The following DLC1 variants were observed in gnomAD, a reference collection of about 807,000 sequenced individuals.
DLC1 encodes the protein rho GTPase-activating protein 7.
A neutral mutation model predicts 140.3 loss-of-function variants in DLC1; 54 were observed. The observed-to-expected ratio is 0.38, with a 90% confidence interval of 0.31 to 0.48. DLC1 has a LOEUF of 0.48. DLC1 is among the 20% of genes least tolerant of loss of function. The pLI is 0.96. For missense variants in DLC1, 2,536 were observed against 1,907.0 expected (o/e 1.33, Z -6.14); for synonymous variants, 986 against 728.1 (o/e 1.35, Z -5.70).
At chr8:13,258,792 T>C (rs569638635) in intron 5 of DLC1, among the ~76,000 whole-genome samples, 5 of 152,274 alleles carry the variant, frequency 3.3e-5, no homozygotes, top group African/African-American at 7.2e-5. Context: ...GGTGGGAGAC[T>C]GTCTGGAGCT....
chr8:13,477,229 C>T (rs934855228), intron 2 of DLC1, among the ~76,000 whole-genome samples: 3 of 152,108 alleles, frequency 2.0e-5, no homozygotes, highest in Non-Finnish European at 4.4e-5. Context: ...AATACTAATC[C>T]CCATTCATTT....
chr8:13,313,280 C>T (rs1319677263), intron 4 of DLC1, among the ~76,000 whole-genome samples: 1 of 152,160 alleles, frequency 6.6e-6, no homozygotes, highest in Admixed American at 6.5e-5. Flanking sequence ...TACTCACTAC[C>T]TACACAGTCT....
chr8:13,193,124 G>A (rs1448967823), intron 5 of DLC1, among the ~76,000 whole-genome samples: 1 of 152,088 alleles, frequency 6.6e-6, no homozygotes, highest in Non-Finnish European at 1.5e-5. Flanking sequence ...CTTATGGAGA[G>A]ACCTCTCAAT....
At chr8:13,191,636 G>A (rs1826761378) in intron 5 of DLC1, among the ~76,000 whole-genome samples, 1 of 152,156 alleles carries the variant, frequency 6.6e-6, no homozygotes, top group Non-Finnish European at 1.5e-5. Context: ...AAGCCCAGAT[G>A]ATGAATCACA....
At chr8:13,299,237 G>A (rs1178393091) in intron 5 of DLC1, among the ~76,000 whole-genome samples, 1 of 151,844 alleles carries the variant, frequency 6.6e-6, no homozygotes, top group African/African-American at 2.4e-5. Context: ...GAGGCCAGGT[G>A]TTCAAGACCA....
intron 5 of DLC1, among the ~76,000 whole-genome samples, chr8:13,159,956 G>A (rs553034166): frequency 3.3e-5 from 5 of 151,868 alleles, no homozygotes; most frequent in African/African-American, 9.7e-5. Context: ...TCAGGAGTTC[G>A]AGACCAGCCT....
At chr8:13,277,769 T>G (rs1052827823) in intron 5 of DLC1, among the ~76,000 whole-genome samples, 1 of 152,170 alleles carries the variant, frequency 6.6e-6, no homozygotes, top group Non-Finnish European at 1.5e-5. Context: ...GCATAAGACA[T>G]CTAAAGGCCA....
At chr8:13,518,698 T>C (rs1179856304), upstream of DLC1, among the ~76,000 whole-genome samples, 4 of 152,222 alleles carry the variant, frequency 2.6e-5, no homozygotes, top group Non-Finnish European at 5.9e-5. Flanking sequence ...CCATTTTTGT[T>C]AATGAATATG....
Position 13,399,820 on chromosome 8 carries a change from C to A in DLC1, c.1173+1650G>T, listed in dbSNP as rs190905584. ...TTATTATATGCAGAACTTCTTCTGG[C>A]GTTTTCTCATAAATATTCTCAAACT... On this transcript the variant is annotated intron_variant, in intron 3 of 17. Coordinates refer to ENST00000276297, the MANE Select transcript of DLC1 (RefSeq NM_182643.3). 4.7e-4 allele frequency among the ~76,000 whole-genome samples: 71 copies of A among 152,182 alleles called. 1 individual carries two copies. Among genetic ancestry groups the A allele is most frequent in the African/African-American group, 1.7e-3 (70 of 41,530 alleles).
chr8:13,333,635 C>G (rs1202759516), intron 4 of DLC1, among the ~76,000 whole-genome samples: 1 of 152,164 alleles, frequency 6.6e-6, no homozygotes, highest in Non-Finnish European at 1.5e-5. Context: ...TGTAACAGAA[C>G]TACCCTTCAT....
chr8:13,412,526 A>G (rs900328714), intron 2 of DLC1, among the ~76,000 whole-genome samples: 1 of 152,302 alleles, frequency 6.6e-6, no homozygotes, highest in East Asian at 1.9e-4. Context: ...ATTTTAACTT[A>G]ATGAGTTATG....
intron 2 of DLC1, among the ~76,000 whole-genome samples, chr8:13,446,402 T>G (rs1354150610): frequency 2.6e-5 from 4 of 152,184 alleles, no homozygotes; most frequent in Non-Finnish European, 5.9e-5. Flanking sequence ...GTTTTCATCT[T>G]TTGAGTTCCA....
At chr8:13,544,007 A>C (rs1297682577) in intron 1 of DLC1, among the ~76,000 whole-genome samples, 6 of 152,124 alleles carry the variant, frequency 3.9e-5, no homozygotes, top group African/African-American at 1.4e-4. Context: ...AAAAAAATAC[A>C]AAAATTTAAA....
intron 5 of DLC1, among the ~76,000 whole-genome samples, chr8:13,196,017 G>C (rs1827029076): frequency 6.6e-6 from 1 of 151,870 alleles, no homozygotes; most frequent in Non-Finnish European, 1.5e-5. Flanking sequence ...TTCTAGAATA[G>C]TAAGTAAATC....
At chr8:13,517,371 T>C (rs748007312), upstream of DLC1, among the ~76,000 whole-genome samples, 3 of 152,228 alleles carry the variant, frequency 2.0e-5, no homozygotes, top group African/African-American at 7.2e-5. Flanking sequence ...TTTAGATATC[T>C]AGAAACTCTT....
chr8:13,307,711 T>C (rs1430707537), intron 4 of DLC1, among the ~76,000 whole-genome samples: 1 of 152,248 alleles, frequency 6.6e-6, no homozygotes, highest in African/African-American at 2.4e-5. Flanking sequence ...TAGTGCTTAC[T>C]GGGTGCTTAG....
chr8:13,136,233 G>C (rs1458067353), intron 5 of DLC1, among the ~76,000 whole-genome samples: 1 of 152,160 alleles, frequency 6.6e-6, no homozygotes. Context: ...TACATGTGCA[G>C]ATACATTGCA....
intron 5 of DLC1, among the ~76,000 whole-genome samples, chr8:13,193,322 A>C (rs963223874): frequency 6.6e-6 from 1 of 152,184 alleles, no homozygotes; most frequent in East Asian, 1.9e-4. Flanking sequence ...AAATGTTAGA[A>C]AAAAATTGAG....
At chr8:13,225,375 G>C (rs915032983) in intron 5 of DLC1, among the ~76,000 whole-genome samples, 5 of 152,194 alleles carry the variant, frequency 3.3e-5, no homozygotes, top group Non-Finnish European at 7.3e-5. Flanking sequence ...GAGTGGATGT[G>C]AACAACCGGT....
Sources: allele counts gnomAD v4.1 joint callset (sites outside exome capture counted in the v4.1 genomes callset), GRCh38; gene constraint gnomAD v4.1.1; transcripts MANE v1.5; gene names NCBI Gene and HGNC (gene_info 2026-07-23, HGNC 2026-07-21).